WDR89: variants seen among roughly 807,000 people sequenced by gnomAD.
WDR89 encodes WD repeat domain 89.
In WDR89, 17 loss-of-function variants were observed where a neutral mutation model predicts 29.1. The ratio of observed to expected loss-of-function variants is 0.58; its 90% CI spans 0.40 to 0.88. WDR89 has a LOEUF of 0.88. Ranked by LOEUF, WDR89 falls within the 40% of genes least tolerant of loss-of-function variation. The probability of loss-of-function intolerance (pLI) is 0.00; values close to 1 mark genes in which losing one functional copy is unlikely to be tolerated. For missense variants in WDR89, 396 were observed against 456.3 expected (o/e 0.87, Z 1.20); for synonymous variants, 138 against 157.8 (o/e 0.87, Z 0.94).
intron 1 of WDR89, among the ~76,000 whole-genome samples, chr14:63,637,168 A>C (rs929608053): frequency 6.6e-6 from 1 of 152,222 alleles, no homozygotes; most frequent in Admixed American, 6.5e-5. Context: ...AAAATGCTCA[A>C]CATCACTAAT....
intron 2 of WDR89, chr14:63,601,596 A>C: frequency 1.2e-6 from 2 of 1,612,860 alleles, no homozygotes; most frequent in East Asian, 4.5e-5. Context: ...CAAAGGAGGC[A>C]TTATGCTTCC....
intron 2 of WDR89, among the ~76,000 whole-genome samples, chr14:63,619,288 T>G (rs1882520444): frequency 6.6e-6 from 1 of 152,156 alleles, no homozygotes; most frequent in South Asian, 2.1e-4. Flanking sequence ...TTAACTATAG[T>G]AACACCAAAA....
At chr14:63,637,555 T>G (rs1400649269) in intron 1 of WDR89, among the ~76,000 whole-genome samples, 8 of 151,628 alleles carry the variant, frequency 5.3e-5, no homozygotes, top group Admixed American at 5.3e-4. Context: ...CTGTGGTGGG[T>G]GTGTGTGTGT....
intron 2 of WDR89, among the ~76,000 whole-genome samples, chr14:63,608,188 A>G (rs529214820): frequency 6.6e-6 from 1 of 152,312 alleles, no homozygotes; most frequent in African/African-American, 2.4e-5. Context: ...CCTGAGCAAT[A>G]GAGTGAGACT....
rs376726754 is a variant in WDR89 at position 63,625,999 on chromosome 14, A to G, written c.-137-966T>C. Among the ~76,000 whole-genome samples the G allele has an allele frequency of 7.2e-4, 110 of 152,018 alleles. 1 individual carries two copies. The East Asian group carries it at 0.012, about 16-fold the overall frequency. On this transcript the variant is annotated intron_variant, in intron 1 of 2. Coordinates refer to ENST00000620954, the MANE Select transcript of WDR89 (RefSeq NM_080666.4). ...CTCCCAAGTAGCTGGGATTACAGGC[A>G]TGCACTGCCACACCCAGCTAATTTT...
chr14:63,616,562 C>A (rs1231536221), intron 2 of WDR89, among the ~76,000 whole-genome samples: 1 of 151,998 alleles, frequency 6.6e-6, no homozygotes, highest in Non-Finnish European at 1.5e-5. Context: ...GAGACCAGGA[C>A]AAAATGAGGG....
intron 2 of WDR89, among the ~76,000 whole-genome samples, chr14:63,610,034 C>T (rs560643065): frequency 2.0e-5 from 3 of 151,428 alleles, no homozygotes; most frequent in African/African-American, 7.3e-5. Flanking sequence ...ACTCCATTGG[C>T]CAATCTAAAA....
At chr14:63,603,206 A>C (rs1895156482) in intron 2 of WDR89, among the ~76,000 whole-genome samples, 1 of 152,190 alleles carries the variant, frequency 6.6e-6, no homozygotes, top group Non-Finnish European at 1.5e-5. Context: ...TAATGCACAC[A>C]CACAGTTCAC....
chr14:63,620,018 A>AG (rs1187359614), intron 2 of WDR89, among the ~76,000 whole-genome samples: 2 of 151,640 alleles, frequency 1.3e-5, no homozygotes, highest in South Asian at 2.1e-4. Context: ...AAAAAAAAAA[A>AG]AAAAAAGAAA....
rs759385278 is a variant in WDR89 at position 63,598,880 on chromosome 14, T to C, written c.1063A>G (p.Lys355Glu). Residue 355 changes from lysine (K) to glutamate (E), a missense_variant, in exon 3 of 3, where the codon AAG becomes GAG. Physicochemically the swap from Lys to Glu is moderately conservative, Grantham distance 56. Coordinates refer to ENST00000620954, the MANE Select transcript of WDR89 (RefSeq NM_080666.4). ...LLLWKPGAIEKTFTKKESMKI... is the reference protein window; with the variant it reads ...LLLWKPGAIEETFTKKESMKI... ...ATACTCTCTTTCTTTGTAAAGGTCTTCTCTATAGCTCCAGGTTTCCAAAGT... is the reference window on the plus strand; with the variant it reads ...ATACTCTCTTTCTTTGTAAAGGTCTCCTCTATAGCTCCAGGTTTCCAAAGT... The C allele has an allele frequency of 6.2e-7, 1 of 1,614,180 alleles. No homozygotes were observed. The highest frequency in any genetic ancestry group is 8.5e-7 in the Non-Finnish European group (1 of 1,180,022).
chr14:63,599,607 AC>A lies in WDR89; in HGVS notation c.335del (p.Gly112ValfsTer39). The A allele has an allele frequency of 6.2e-7, 1 of 1,614,126 alleles. No homozygotes were observed. The highest frequency in any genetic ancestry group is 1.3e-5 in the African/African-American group (1 of 75,060). On this transcript the variant is annotated frameshift_variant, in exon 3 of 3. Coordinates refer to ENST00000620954, the MANE Select transcript of WDR89 (RefSeq NM_080666.4). LOFTEE classifies it high-confidence loss of function. Reference sequence around the variant, plus strand: ...AACTGATAAAAATATTGGAAGGGTAACCCTTGAAGAGCTGAACAGGTTTTTC... The same window carrying A: ...AACTGATAAAAATATTGGAAGGGTAACCTTGAAGAGCTGAACAGGTTTTTC... ...AREKPVQLFK[G>X]YPSNIFISFD...
At chr14:63,610,583 C>A (rs1881901532) in intron 2 of WDR89, among the ~76,000 whole-genome samples, 1 of 151,966 alleles carries the variant, frequency 6.6e-6, no homozygotes, top group South Asian at 2.1e-4. Flanking sequence ...ATCATGAACC[C>A]CCGGTATGAT....
intron 2 of WDR89, among the ~76,000 whole-genome samples, chr14:63,611,332 T>C (rs1881973554): frequency 1.1e-5 from 1 of 87,772 alleles, no homozygotes; most frequent in African/African-American, 5.5e-5. Context: ...CCAGGCCCTG[T>C]CGCAAAAAAA....
At chr14:63,605,175 T>C (rs569399313) in intron 2 of WDR89, among the ~76,000 whole-genome samples, 1 of 143,570 alleles carries the variant, frequency 7.0e-6, no homozygotes, top group South Asian at 2.2e-4. Flanking sequence ...TCTATATATA[T>C]ATATATACAC....
chr14:63,613,795 C>T (rs955903036), intron 2 of WDR89, among the ~76,000 whole-genome samples: 17 of 149,260 alleles, frequency 1.1e-4, no homozygotes, highest in African/African-American at 3.7e-4. Context: ...CCACTGCACT[C>T]GGCCACTGCT....
intron 2 of WDR89, among the ~76,000 whole-genome samples, chr14:63,607,464 G>A (rs1397284220): frequency 6.6e-6 from 1 of 152,106 alleles, no homozygotes; most frequent in Non-Finnish European, 1.5e-5. Flanking sequence ...TTTTATTATG[G>A]AATGTGCATG....
At chr14:63,628,868 G>T (rs867960466) in intron 1 of WDR89, among the ~76,000 whole-genome samples, 18 of 152,128 alleles carry the variant, frequency 1.2e-4, no homozygotes, top group African/African-American at 4.1e-4. Context: ...GGAGGCTAAG[G>T]TGGGAGGATT....
intron 2 of WDR89, among the ~76,000 whole-genome samples, chr14:63,605,381 A>C (rs1006165286): frequency 1.3e-5 from 2 of 151,996 alleles, no homozygotes; most frequent in African/African-American, 4.8e-5. Flanking sequence ...GCATACAATT[A>C]TGTACAGTAC....
rs1188712392 is a variant in WDR89, at chr14:63,599,990, T to A, written c.-31-17A>T. 2.3e-6 allele frequency: 3 copies of A among 1,303,028 alleles called. No individual in the cohort carries two copies. Among genetic ancestry groups the A allele is most frequent in the Non-Finnish European group, 2.0e-6 (2 of 1,001,078 alleles). The allele number at this position is 1,303,028 out of a possible 1,614,324, so 80.7% of individuals were successfully genotyped here. On this transcript the variant is annotated splice_polypyrimidine_tract_variant and intron_variant, in intron 2 of 2. Coordinates refer to ENST00000620954, the MANE Select transcript of WDR89 (RefSeq NM_080666.4). ...AGTAAAACTCTGTAAAAAATAATAA[T>A]AATAAAAATAAAAATTAATGCTTAA...
Sources: allele counts gnomAD v4.1 joint callset (sites outside exome capture counted in the v4.1 genomes callset), GRCh38; gene constraint gnomAD v4.1.1; transcripts MANE v1.5; gene names NCBI Gene and HGNC (gene_info 2026-07-23, HGNC 2026-07-21).